Variants in DMD observed in about 807,000 individuals in gnomAD.
DMD encodes the protein mutant dystrophin.
A neutral mutation model predicts 330.1 loss-of-function variants in DMD; 63 were observed. The ratio of observed to expected loss-of-function variants is 0.19; its 90% confidence interval spans 0.16 to 0.24. The LOEUF (loss-of-function observed/expected upper bound fraction) is 0.24, where lower values mean the gene tolerates loss of function less well. Ranked by LOEUF, DMD falls within the 10% of genes least tolerant of loss-of-function variation. The probability of loss-of-function intolerance (pLI) is 1.00; values close to 1 mark genes in which losing one functional copy is unlikely to be tolerated. For synonymous variants in DMD, 1,223 were observed against 959.8 expected (o/e 1.27, Z -5.07); for missense variants, 3,344 against 2,684.1 (o/e 1.25, Z -5.43).
intron 53 of DMD, among the ~76,000 whole-genome samples, chrX:31,671,427 G>C (rs2081780998): frequency 1.8e-5 from 2 of 112,310 alleles, no homozygotes; most frequent in South Asian, 7.3e-4. Flanking sequence ...TAGCAATCAT[G>C]TTAATATGTT....
intron 47 of DMD, among the ~76,000 whole-genome samples, chrX:31,885,631 A>AG (rs2094143521): frequency 2.3e-5 from 2 of 87,374 alleles, no homozygotes; most frequent in African/African-American, 4.2e-5. Context: ...AAAAAAAAAA[A>AG]AAAAAAGAAA....
intron 48 of DMD, among the ~76,000 whole-genome samples, chrX:31,865,708 T>C (rs1251178998): frequency 1.7e-5 from 1 of 60,434 alleles, no homozygotes; most frequent in Non-Finnish European, 3.2e-5. Context: ...CTCAGTAATC[T>C]GAGTATATTC....
At chrX:32,782,618 A>T (rs1298904958) in intron 7 of DMD, among the ~76,000 whole-genome samples, 1 of 111,347 alleles carries the variant, frequency 9.0e-6, no homozygotes. Flanking sequence ...ACAGGTGGAG[A>T]GGTATGAATG....
At chrX:32,945,778 TA>T (rs1480191707) in intron 2 of DMD, among the ~76,000 whole-genome samples, 2 of 111,900 alleles carry the variant, frequency 1.8e-5, no homozygotes, top group African/African-American at 6.5e-5. Flanking sequence ...AAGTATTGTA[TA>T]TTTTTTCCTT....
At chrX:32,906,100 A>G (rs929960338) in intron 2 of DMD, among the ~76,000 whole-genome samples, 1 of 112,131 alleles carries the variant, frequency 8.9e-6, no homozygotes, top group Non-Finnish European at 1.9e-5. Context: ...ACGAAATCTC[A>G]TGTTGAATTG....
intron 59 of DMD, among the ~76,000 whole-genome samples, chrX:31,450,816 G>A (rs1407469439): frequency 8.9e-6 from 1 of 112,104 alleles, no homozygotes; most frequent in South Asian, 3.7e-4. Flanking sequence ...GCCATGATGA[G>A]GCAAAGGGGT....
At chrX:32,430,222 C>T (rs2098232562) in intron 29 of DMD, among the ~76,000 whole-genome samples, 1 of 111,717 alleles carries the variant, frequency 9.0e-6, no homozygotes, top group Non-Finnish European at 1.9e-5. Context: ...TCACCTCTAG[C>T]TGCTAATATA....
At chrX:32,381,827 G>A (rs765692778) in intron 33 of DMD, among the ~76,000 whole-genome samples, 3 of 110,450 alleles carry the variant, frequency 2.7e-5, no homozygotes, top group Non-Finnish European at 3.8e-5. Context: ...ATGAAGCCTG[G>A]GAATCTGAAC....
intron 52 of DMD, among the ~76,000 whole-genome samples, chrX:31,684,835 A>C (rs1381199929): frequency 8.9e-6 from 1 of 111,988 alleles, no homozygotes; most frequent in Non-Finnish European, 1.9e-5. Flanking sequence ...GTTTAATGAC[A>C]CTGATCAATA....
intron 52 of DMD, among the ~76,000 whole-genome samples, chrX:31,707,689 A>G (rs1352394652): frequency 9.0e-6 from 1 of 111,689 alleles, no homozygotes; most frequent in Non-Finnish European, 1.9e-5. Context: ...GGATTTTAAA[A>G]CATAGCTTCA....
intron 7 of DMD, among the ~76,000 whole-genome samples, chrX:32,757,914 G>A (rs1433573097): frequency 9.0e-6 from 1 of 111,309 alleles, no homozygotes; most frequent in African/African-American, 3.3e-5. Context: ...GCTGTTAGAG[G>A]GTTAACACCC....
intron 1 of DMD, among the ~76,000 whole-genome samples, chrX:33,259,189 C>A (rs891310392): frequency 3.6e-5 from 4 of 110,147 alleles, no homozygotes; most frequent in Non-Finnish European, 5.7e-5. Flanking sequence ...AGGAGTTTTA[C>A]GTTCACAGCA....
chrX:31,704,789 T>G (rs2084054897), intron 52 of DMD, among the ~76,000 whole-genome samples: 1 of 112,211 alleles, frequency 8.9e-6, no homozygotes, highest in East Asian at 2.8e-4. Flanking sequence ...TATTTGTTAA[T>G]TATTTGTTCC....
At chrX:32,721,896 A>G (rs944839343) in intron 7 of DMD, among the ~76,000 whole-genome samples, 2 of 106,456 alleles carry the variant, frequency 1.9e-5, no homozygotes, top group African/African-American at 6.9e-5. Context: ...AATTTACAAC[A>G]CCATTTATTG....
intron 44 of DMD, among the ~76,000 whole-genome samples, chrX:32,205,000 CTCTCTCACAT>C (rs1453522925): frequency 6.8e-4 from 36 of 53,202 alleles, no homozygotes; most frequent in African/African-American, 3.0e-3. Context: ...CTCTCTCTCT[CTCTCTCACAT>C]ACACACACAC....
intron 1 of DMD, among the ~76,000 whole-genome samples, chrX:33,228,427 C>G (rs2052330449): frequency 9.2e-6 from 1 of 108,817 alleles, no homozygotes; most frequent in African/African-American, 3.3e-5. Context: ...CCTTCAGGAA[C>G]TTGGAGAAGA....
intron 32 of DMD, among the ~76,000 whole-genome samples, chrX:32,387,695 T>C (rs2097969123): frequency 9.0e-6 from 1 of 111,325 alleles, no homozygotes. Flanking sequence ...GATGATATTA[T>C]TTACTTCATT....
At chrX:31,524,567 GC>G (rs2147391927) in intron 55 of DMD, among the ~76,000 whole-genome samples, 1 of 111,742 alleles carries the variant, frequency 8.9e-6, no homozygotes, top group Non-Finnish European at 1.9e-5. Flanking sequence ...AGATTCCATG[GC>G]TTTGTTTGAG....
intron 30 of DMD, among the ~76,000 whole-genome samples, chrX:32,411,200 G>A (rs192824908): frequency 2.1e-4 from 23 of 111,191 alleles, no homozygotes; most frequent in Non-Finnish European, 3.8e-4. Flanking sequence ...GTGCAATCTC[G>A]GCTCACTGCA....
Sources: allele counts gnomAD v4.1 joint callset (sites outside exome capture counted in the v4.1 genomes callset), GRCh38; gene constraint gnomAD v4.1.1; transcripts MANE v1.5; gene names NCBI Gene and HGNC (gene_info 2026-07-23, HGNC 2026-07-21).